PPP1R1C: variants seen among roughly 807,000 people sequenced by gnomAD.
PPP1R1C encodes the protein protein phosphatase 1 regulatory subunit 1C.
In PPP1R1C, 15 loss-of-function variants were observed where a neutral mutation model predicts 17.4. The ratio of observed to expected loss-of-function variants is 0.86; its 90% CI spans 0.58 to 1.33. The LOEUF is 1.33. Among genes scored for constraint, PPP1R1C ranks in the 40% most tolerant of loss-of-function variants. The pLI is 0.00. For synonymous variants in PPP1R1C, 35 were observed against 43.1 expected, an observed-to-expected ratio of 0.81 and a Z score of 0.73; for missense variants, 143 against 130.0, an observed-to-expected ratio of 1.10 and a Z score of -0.48.
intron 2 of PPP1R1C, among the ~76,000 whole-genome samples, chr2:182,008,331 A>C (rs1685990836): frequency 6.6e-6 from 1 of 152,136 alleles, no homozygotes; most frequent in Non-Finnish European, 1.5e-5. Flanking sequence ...TAATGTTTTT[A>C]TTATCATTCT....
chr2:182,020,094 G>A (rs1446610909), intron 2 of PPP1R1C, among the ~76,000 whole-genome samples: 1 of 152,204 alleles, frequency 6.6e-6, no homozygotes, highest in Non-Finnish European at 1.5e-5. Flanking sequence ...GTTTTCAGAG[G>A]AGCAGGAGAT....
At chr2:181,995,750 CTT>C (rs765059591) in intron 2 of PPP1R1C, among the ~76,000 whole-genome samples, 11 of 142,080 alleles carry the variant, frequency 7.7e-5, no homozygotes, top group African/African-American at 1.0e-4. Context: ...AAATTTCTTC[CTT>C]TTTTTTTTTT....
chr2:182,003,899 T>C (rs1685842735), intron 2 of PPP1R1C, among the ~76,000 whole-genome samples: 1 of 152,154 alleles, frequency 6.6e-6, no homozygotes, highest in African/African-American at 2.4e-5. Flanking sequence ...TAGGAACACA[T>C]AGCCCAGTTT....
intron 4 of PPP1R1C, among the ~76,000 whole-genome samples, chr2:182,100,496 G>A (rs539864375): frequency 1.3e-5 from 2 of 149,510 alleles, no homozygotes; most frequent in African/African-American, 2.5e-5. Flanking sequence ...GCAACAGAGC[G>A]AGATTCCATC....
intron 2 of PPP1R1C, among the ~76,000 whole-genome samples, chr2:182,049,130 C>T (rs536619872): frequency 1.4e-4 from 22 of 152,030 alleles, no homozygotes; most frequent in Admixed American, 5.9e-4. Context: ...GTCATGAGTT[C>T]GACACCAATC....
chr2:182,065,435 G>C (rs1479641062), intron 4 of PPP1R1C, among the ~76,000 whole-genome samples: 4 of 152,080 alleles, frequency 2.6e-5, no homozygotes, highest in Non-Finnish European at 5.9e-5. Flanking sequence ...ACATCAAGAG[G>C]CTTCAATTAT....
In PPP1R1C at chr2:181,986,041, A is replaced by G; in HGVS notation, c.-70A>G. 3.3e-6 allele frequency: 4 copies of G among 1,197,270 alleles called. No homozygotes were observed. The highest frequency in any genetic ancestry group is 5.0e-6 in the Non-Finnish European group (4 of 801,524). The allele number at this position is 1,197,270 out of a possible 1,614,324, so 74.2% of individuals were successfully genotyped here. ...CTTAGTGGAGTGTGTCTGAGGAAAC[A>G]CATCCCGGACACCACTTAGGGTTAG... On this transcript the variant is annotated 5_prime_UTR_variant, in exon 1 of 5. Transcript: ENST00000682840.
chr2:182,082,854 G>A (rs1042467783), intron 4 of PPP1R1C, among the ~76,000 whole-genome samples: 1 of 152,038 alleles, frequency 6.6e-6, no homozygotes, highest in East Asian at 1.9e-4. Context: ...GCTTTATGGA[G>A]CAAAAAGGTA....
chr2:181,962,051 T>C lies in PPP1R1C; in HGVS notation n.111+7417T>C, dbSNP rs1684808248. 5 of 723,576 alleles carry C rather than the reference T, an allele frequency of 6.9e-6. No individual in the cohort carries two copies. Among genetic ancestry groups the C allele is most frequent in the South Asian group, 6.8e-5 (5 of 73,734 alleles). 44.8% of individuals were successfully genotyped at this position (723,576 alleles called of 1,614,324 possible). A position where few individuals can be genotyped will look rare whatever the true frequency, so the allele number is the denominator to read the frequency against. The stretch of plus-strand genomic sequence containing the variant: ...AACGATGCCGGCATTGTCCACAGTA[T>C]TTGCGAAGATCTGAACCCTCAGGTC... On this transcript the variant is annotated intron_variant and non_coding_transcript_variant, in intron 1 of 5. Transcript: ENST00000464264. The surrounding 1 kb of genome is among the most constrained non-coding windows in gnomAD (Gnocchi z 6.0).
intron 4 of PPP1R1C, among the ~76,000 whole-genome samples, chr2:182,090,545 C>T (rs534446747): frequency 6.6e-6 from 1 of 152,194 alleles, no homozygotes; most frequent in East Asian, 1.9e-4. Flanking sequence ...GCATTTAAAA[C>T]CTTTAATGAC....
chr2:181,958,700 C>T (rs1559037581), intron 1 of PPP1R1C, among the ~76,000 whole-genome samples: 2 of 152,228 alleles, frequency 1.3e-5, no homozygotes, highest in African/African-American at 4.8e-5. Context: ...CTTAGTTTTG[C>T]TTGCTTTGTA....
At chr2:181,998,316 G>A (rs985989543) in intron 2 of PPP1R1C, among the ~76,000 whole-genome samples, 1 of 152,154 alleles carries the variant, frequency 6.6e-6, no homozygotes, top group African/African-American at 2.4e-5. Context: ...GAGGCTTTTG[G>A]CAGACATAAT....
At chr2:182,047,392 A>G (rs1687379574) in intron 2 of PPP1R1C, among the ~76,000 whole-genome samples, 1 of 152,190 alleles carries the variant, frequency 6.6e-6, no homozygotes, top group Admixed American at 6.5e-5. Flanking sequence ...ACATTGCCTA[A>G]AACATCTAAT....
At chr2:182,009,896 T>C (rs572245009) in intron 2 of PPP1R1C, among the ~76,000 whole-genome samples, 14 of 152,194 alleles carry the variant, frequency 9.2e-5, no homozygotes, top group Non-Finnish European at 1.5e-4. Context: ...TCCCTTGTTA[T>C]ACGTTTTTTT....
chr2:182,046,425 T>G lies in PPP1R1C; in HGVS notation c.143-15017T>G, dbSNP rs186290096. 1.1e-4 allele frequency among the ~76,000 whole-genome samples: 16 copies of G among 152,152 alleles called. No individual in the cohort carries two copies. In the East Asian group the frequency reaches 3.1e-3, roughly 29 times the overall value. On this transcript the variant is annotated intron_variant, in intron 2 of 4. Coordinates refer to ENST00000682840, the MANE Select transcript of PPP1R1C (RefSeq NM_001080545.3). ...TGAATGATAATCCCCAAATTAGTCA[T>G]AGAAATTATTAACTAGCAATTCAAA...
At chr2:182,113,362 C>T (rs1689495813) in intron 4 of PPP1R1C, among the ~76,000 whole-genome samples, 1 of 152,176 alleles carries the variant, frequency 6.6e-6, no homozygotes, top group Non-Finnish European at 1.5e-5. Context: ...TTAATTTCCT[C>T]TATGCTAAAT....
chr2:182,068,124 G>A (rs1688040048), intron 4 of PPP1R1C, among the ~76,000 whole-genome samples: 2 of 151,960 alleles, frequency 1.3e-5, no homozygotes, highest in Admixed American at 1.3e-4. Flanking sequence ...TAGTGTGTTT[G>A]GGCCTGACAA....
upstream of PPP1R1C, among the ~76,000 whole-genome samples, chr2:181,985,065 A>G (rs1228368932): frequency 6.6e-6 from 1 of 152,188 alleles, no homozygotes; most frequent in Non-Finnish European, 1.5e-5. The surrounding 1 kb of genome is among the most constrained non-coding windows in gnomAD (Gnocchi z 4.1). Flanking sequence ...ACAACAAGCC[A>G]TAATGTTGAC....
At position 182,037,892 on chromosome 2, in the gene PPP1R1C, A is replaced by G. The variant is rs1386890277; in HGVS notation, c.143-23550A>G. Among the ~76,000 whole-genome samples, 7 of 152,144 alleles carry G rather than the reference A, an allele frequency of 4.6e-5. No homozygotes were observed. The East Asian group carries it at 1.3e-3, about 29-fold the overall frequency. ...TACACTTTTATTAGATTATTCTATT[A>G]ATTGATCAAAGTCATGCTGAAACCA... On this transcript the variant is annotated intron_variant, in intron 2 of 4. Coordinates refer to ENST00000682840, the MANE Select transcript of PPP1R1C (RefSeq NM_001080545.3).
Sources: allele counts gnomAD v4.1 joint callset (sites outside exome capture counted in the v4.1 genomes callset), GRCh38; gene constraint gnomAD v4.1.1; non-coding constraint Gnocchi (gnomAD v3.1); transcripts MANE v1.5; gene names NCBI Gene and HGNC (gene_info 2026-07-23, HGNC 2026-07-21).